GREB1: variants seen among roughly 807,000 people sequenced by gnomAD.
GREB1 encodes protein GREB1.
In GREB1, 106 loss-of-function variants were observed where a neutral mutation model predicts 200.7. The observed-to-expected ratio is 0.53, with a 90% CI of 0.45 to 0.62. The LOEUF (loss-of-function observed/expected upper bound fraction) is 0.62. Among genes scored for constraint, GREB1 ranks in the 20% least tolerant of loss-of-function variants. The pLI is 0.00. For missense variants in GREB1, 2,243 were observed against 2,556.8 expected (o/e 0.88, Z 2.65); for synonymous variants, 1,132 against 1,092.4 (o/e 1.04, Z -0.72).
chr2:11,518,631 A>C lies in GREB1; in HGVS notation c.-159+36250A>C, dbSNP rs184518469. ...GCAGCATCTCCTTTAATCAAGGTTC[A>C]AACCTGCTAAAATGATTTACATTAG... On this transcript the variant is annotated intron_variant, in intron 1 of 2. Transcript: ENST00000628795. 8.5e-3 allele frequency among the ~76,000 whole-genome samples: 1,290 copies of C among 152,226 alleles called. 9 individuals carry two copies. Among genetic ancestry groups the C allele is most frequent in the Admixed American group, 0.02 (303 of 15,278 alleles).
intron 1 of GREB1, among the ~76,000 whole-genome samples, chr2:11,499,813 T>C (rs1325184133): frequency 6.6e-6 from 1 of 152,228 alleles, no homozygotes; most frequent in African/African-American, 2.4e-5. Context: ...CATATAACTT[T>C]GCTGTAGGTC....
At chr2:11,503,831 T>C (rs1340039714) in intron 1 of GREB1, among the ~76,000 whole-genome samples, 1 of 123,122 alleles carries the variant, frequency 8.1e-6, no homozygotes, top group Non-Finnish European at 1.7e-5. Flanking sequence ...TAACAGGTTT[T>C]CCACAATATT....
At position 11,593,174 on chromosome 2, in the gene GREB1, C is replaced by G. The variant is rs771133836; in HGVS notation, c.1696+48C>G. ...GCGGGAAAGCCCCCTGAACGGTGTT[C>G]CCGGTCCCCTCCTTTGGTGGTTCTC... On this transcript the variant is annotated intron_variant, in intron 11 of 32. Transcript: ENST00000381486. 3.9e-6 allele frequency: 5 copies of G among 1,293,502 alleles called. No homozygotes were observed. The East Asian group carries it at 1.3e-4, about 33-fold the overall frequency. 80.1% of individuals were successfully genotyped at this position (1,293,502 alleles called of 1,614,324 possible).
At chr2:11,638,051 C>G in intron 31 of GREB1, 135 bp downstream of exon 31, 1 of 758,286 alleles carries the variant, frequency 1.3e-6, no homozygotes, top group Non-Finnish European at 2.2e-6. Flanking sequence ...GTAGGTTTTG[C>G]CATTCAGCTG....
chr2:11,521,516 G>A (rs1018743516), intron 1 of GREB1, among the ~76,000 whole-genome samples: 4 of 152,196 alleles, frequency 2.6e-5, no homozygotes, highest in East Asian at 1.9e-4. Context: ...TGTGTCCCAC[G>A]TAGATGAATT....
chr2:11,615,193 G>A lies in GREB1; in HGVS notation c.3225G>A (p.Glu1075=). The A allele has an allele frequency of 1.2e-6, 2 of 1,614,124 alleles. No individual in the cohort carries two copies. The highest frequency in any genetic ancestry group is 1.7e-6 in the Non-Finnish European group (2 of 1,179,996). Residue 1075 remains glutamate, a synonymous_variant, in exon 20 of 33, where the codon GAG becomes GAA. Coordinates refer to ENST00000381486, the MANE Select transcript of GREB1 (RefSeq NM_014668.4). ...TGGCTGCCTACTTTGTGAGCAACGA[G>A]GTTCCCTTGGAGAAGGGGGCTAGGA... ...LGLAAYFVSN[E]VPLEKGARNE...
At chr2:11,625,057 A>C in intron 23 of GREB1, 97 bp from the exon 24 acceptor site, 1 of 984,694 alleles carries the variant, frequency 1.0e-6, no homozygotes, top group Non-Finnish European at 1.6e-6. Context: ...CTGATGTCGC[A>C]TTTCTCAGAA....
intron 1 of GREB1, among the ~76,000 whole-genome samples, chr2:11,503,797 A>G (rs940036490): frequency 2.6e-5 from 4 of 152,128 alleles, no homozygotes; most frequent in African/African-American, 9.7e-5. Flanking sequence ...CTTCCTGTTT[A>G]TTGCATATTA....
chr2:11,545,964 G>A (rs1053037196), intron 1 of GREB1, among the ~76,000 whole-genome samples: 1 of 152,136 alleles, frequency 6.6e-6, no homozygotes, highest in Non-Finnish European at 1.5e-5. Context: ...GATCACTTGA[G>A]GTCGGGAGTT....
intron 1 of GREB1, among the ~76,000 whole-genome samples, chr2:11,518,431 C>CTTT (rs1673584138): frequency 2.0e-5 from 3 of 150,966 alleles, no homozygotes; most frequent in Non-Finnish European, 2.9e-5. Context: ...ATCTCAGACA[C>CTTT]TGAGTTTTGA....
chr2:11,519,509 G>T (rs978507733), intron 1 of GREB1, among the ~76,000 whole-genome samples: 1 of 137,472 alleles, frequency 7.3e-6, no homozygotes, highest in African/African-American at 2.7e-5. Context: ...AGGCTGGAGC[G>T]CAATGGCACG....
At chr2:11,565,053 T>C (rs1187052299) in intron 3 of GREB1, among the ~76,000 whole-genome samples, 1 of 152,212 alleles carries the variant, frequency 6.6e-6, no homozygotes, top group Non-Finnish European at 1.5e-5. Context: ...TATGTGGGAA[T>C]TGTGGGAATT....
At chr2:11,606,753 A>C (rs1682328936) in intron 17 of GREB1, among the ~76,000 whole-genome samples, 1 of 129,266 alleles carries the variant, frequency 7.7e-6, no homozygotes, top group South Asian at 2.8e-4. Flanking sequence ...ATTTGATTTT[A>C]GTTTCATTAT....
At chr2:11,499,466 T>C (rs1238198854) in intron 1 of GREB1, among the ~76,000 whole-genome samples, 2 of 152,268 alleles carry the variant, frequency 1.3e-5, no homozygotes, top group Non-Finnish European at 2.9e-5. Flanking sequence ...AAGGGGTCTC[T>C]CTCCATGGGG....
chr2:11,625,661 G>T (rs1047171024), intron 24 of GREB1, among the ~76,000 whole-genome samples: 1 of 152,080 alleles, frequency 6.6e-6, no homozygotes, highest in East Asian at 1.9e-4. Flanking sequence ...CTCCTCCCCC[G>T]GTGTCTTGAT....
intron 6 of GREB1, among the ~76,000 whole-genome samples, 175 bp downstream of exon 6, chr2:11,578,606 C>G (rs1040950043): frequency 1.1e-4 from 16 of 152,214 alleles, no homozygotes; most frequent in Admixed American, 7.9e-4. Flanking sequence ...ACAAAGAATG[C>G]TAGGTTTTTC....
In GREB1 at chr2:11,580,334, C is replaced by T. The variant is rs916276206; in HGVS notation, c.773-370C>T. Reference sequence around the variant, plus strand: ...TGGTCCTGGAATTCAGGAAGTCCCCCGGTCCTTCTTTAACTCAGGCTGTGT... The same window carrying T: ...TGGTCCTGGAATTCAGGAAGTCCCCTGGTCCTTCTTTAACTCAGGCTGTGT... On this transcript the variant is annotated intron_variant, in intron 6 of 32. Coordinates refer to ENST00000381486, the MANE Select transcript of GREB1 (RefSeq NM_014668.4). The surrounding 1 kb of genome is among the most constrained non-coding windows in gnomAD (Gnocchi z 4.5). Among the ~76,000 whole-genome samples, 6 of 152,154 alleles carry T rather than the reference C, an allele frequency of 3.9e-5. No individual in the cohort carries two copies. The highest frequency in any genetic ancestry group is 6.5e-5 in the Admixed American group (1 of 15,274).
intron 10 of GREB1, chr2:11,591,463 C>T: frequency 2.8e-6 from 2 of 718,780 alleles, no homozygotes; most frequent in East Asian, 2.7e-5. Context: ...CAGAAGGAAA[C>T]AAATATTGAA....
chr2:11,580,108 G>A lies in GREB1; in HGVS notation c.773-596G>A, dbSNP rs1227855452. ...GCCCTTTATAAAACCATCAGGTCTCGTGAGACTTCTTCACTATCACGAGAA... is the reference window on the plus strand; with the variant it reads ...GCCCTTTATAAAACCATCAGGTCTCATGAGACTTCTTCACTATCACGAGAA... On this transcript the variant is annotated intron_variant, in intron 6 of 32. Transcript: ENST00000381486. The surrounding 1 kb of genome is among the most constrained non-coding windows in gnomAD (Gnocchi z 4.5). Among the ~76,000 whole-genome samples, 1 of 152,138 alleles carries A rather than the reference G, an allele frequency of 6.6e-6. No homozygotes were observed. Among genetic ancestry groups the A allele is most frequent in the Non-Finnish European group, 1.5e-5 (1 of 68,030 alleles).
Sources: allele counts gnomAD v4.1 joint callset (sites outside exome capture counted in the v4.1 genomes callset), GRCh38; gene constraint gnomAD v4.1.1; non-coding constraint Gnocchi (gnomAD v3.1); transcripts MANE v1.5; gene names NCBI Gene and HGNC (gene_info 2026-07-23, HGNC 2026-07-21).